RASSF5: variants seen among roughly 807,000 people sequenced by gnomAD.
The protein encoded by RASSF5 is Ras association domain family member 5.
RASSF5 carries 25 observed loss-of-function variants against 40.5 expected under a neutral mutation model. The observed-to-expected ratio is 0.62, with a 90% CI of 0.45 to 0.86. The LOEUF (loss-of-function observed/expected upper bound fraction) is 0.86. Among genes scored for constraint, RASSF5 ranks in the 40% least tolerant of loss-of-function variants. The pLI, the probability that RASSF5 is intolerant of heterozygous loss-of-function variation, is 0.00. For missense variants in RASSF5, 521 were observed against 572.8 expected (o/e 0.91, Z 0.92); for synonymous variants, 246 against 252.4 (o/e 0.97, Z 0.24).
rs141869335 is a variant in RASSF5 at position 206,534,425 on chromosome 1, G to C, written c.458-3747G>C. 2.0e-3 allele frequency among the ~76,000 whole-genome samples: 303 copies of C among 152,212 alleles called. 1 individual carries two copies. Among genetic ancestry groups the C allele is most frequent in the African/African-American group, 6.2e-3 (257 of 41,520 alleles). On this transcript the variant is annotated intron_variant, in intron 1 of 5. Transcript: ENST00000579436. ...AATATCAAGAAATGCCTGTTCTCCC[G>C]GAGAAACTACAGCTAGTTTCTCCTT...
At chr1:206,549,564 A>AAAGT (rs1667781074) in intron 2 of RASSF5, among the ~76,000 whole-genome samples, 1 of 152,122 alleles carries the variant, frequency 6.6e-6, no homozygotes, top group South Asian at 2.1e-4. Flanking sequence ...CTCCCACTTT[A>AAAGT]GGCTCCCAAA....
chr1:206,534,817 A>C (rs1356845493), intron 1 of RASSF5, among the ~76,000 whole-genome samples: 1 of 152,220 alleles, frequency 6.6e-6, no homozygotes, highest in Non-Finnish European at 1.5e-5. Flanking sequence ...CCCATGCTCC[A>C]GACATTGATG....
At chr1:206,572,548 C>T (rs927422361) in intron 2 of RASSF5, 1 of 152,196 alleles carries the variant, frequency 6.6e-6, no homozygotes, top group African/African-American at 2.4e-5. Context: ...CCCTGCATCC[C>T]GAGAAAACCC....
At chr1:206,541,816 CT>C (rs1265040775) in intron 2 of RASSF5, 4 of 152,162 alleles carry the variant, frequency 2.6e-5, no homozygotes, top group African/African-American at 9.7e-5. Context: ...CCTGTCACCC[CT>C]GGGAGGAAAA....
intron 2 of RASSF5, among the ~76,000 whole-genome samples, chr1:206,562,893 G>A (rs1363322535): frequency 3.3e-5 from 5 of 151,720 alleles, no homozygotes; most frequent in African/African-American, 1.2e-4. Flanking sequence ...CTGCACTCCA[G>A]CCTGGGCGAC....
chr1:206,538,284 C>T lies in RASSF5; in HGVS notation c.570C>T (p.Thr190=). 1 of 1,613,764 alleles carries T rather than the reference C, an allele frequency of 6.2e-7. No homozygotes were observed. The highest frequency in any genetic ancestry group is 8.5e-7 in the Non-Finnish European group (1 of 1,180,022). The part of the protein sequence containing the change: ...RPSPESTLTV[T]FSQNVCKPVE... Reference sequence around the variant, plus strand: ...CTCCAGAAAGCACCCTCACCGTGACCTTCAGCCAGGTAGGTGCCAAAGCTC... The same window carrying T: ...CTCCAGAAAGCACCCTCACCGTGACTTTCAGCCAGGTAGGTGCCAAAGCTC... The change falls in exon 2 of 6, where the codon ACC becomes ACT. Residue 190 remains threonine, a synonymous_variant. Coordinates refer to ENST00000579436, the MANE Select transcript of RASSF5 (RefSeq NM_182663.4).
intron 2 of RASSF5, among the ~76,000 whole-genome samples, chr1:206,547,189 T>C (rs1553400315): frequency 6.6e-6 from 1 of 152,234 alleles, no homozygotes; most frequent in African/African-American, 2.4e-5. Flanking sequence ...CAGACCTTTG[T>C]ACCATTCTTG....
intron 1 of RASSF5, among the ~76,000 whole-genome samples, chr1:206,534,846 G>A (rs182739802): frequency 5.3e-5 from 8 of 152,288 alleles, no homozygotes; most frequent in African/African-American, 1.9e-4. Context: ...AGAGGCGATG[G>A]CACTAGCTGC....
chr1:206,583,466 C>A, intron 3 of RASSF5, 87 bp downstream of exon 3: 1 of 906,806 alleles, frequency 1.1e-6, no homozygotes, highest in Non-Finnish European at 1.8e-6. Context: ...AATTCTGTGG[C>A]TACTCCCTGG....
At chr1:206,578,802 C>T (rs1395139668) in intron 2 of RASSF5, among the ~76,000 whole-genome samples, 38 of 152,260 alleles carry the variant, frequency 2.5e-4, no homozygotes, top group Admixed American at 2.1e-3. Flanking sequence ...GTGACTCACT[C>T]AGAGCCTCTC....
Position 206,583,380 on chromosome 1 carries a change from G to C in RASSF5, c.690+1G>C. On this transcript the variant is annotated splice_donor_variant, in intron 3 of 5. Transcript: ENST00000579436. LOFTEE classifies it high-confidence loss of function. ...GAAGAACTGCCTGGGCATGAAACTG[G>C]TAAGCGCCCGTCCACCCTCAACCTG... 1 of 1,597,754 alleles carries C rather than the reference G, an allele frequency of 6.3e-7. No individual in the cohort carries two copies. The highest frequency in any genetic ancestry group is 8.6e-7 in the Non-Finnish European group (1 of 1,165,388).
rs115543797 is a variant in RASSF5 at position 206,510,644 on chromosome 1, A to G, written c.457+2585A>G. 5.6e-3 allele frequency among the ~76,000 whole-genome samples: 849 copies of G among 152,262 alleles called. 7 individuals carry two copies. Among genetic ancestry groups the G allele is most frequent in the African/African-American group, 0.019 (796 of 41,540 alleles). ...TGAGCTAAGTGGGGAAGTGACTGCC[A>G]TAGACATCCCAGAAAATTTGGGTAT... On this transcript the variant is annotated intron_variant, in intron 1 of 5. Coordinates refer to ENST00000579436, the MANE Select transcript of RASSF5 (RefSeq NM_182663.4).
intron 2 of RASSF5, among the ~76,000 whole-genome samples, chr1:206,546,281 G>A (rs1359298175): frequency 1.3e-5 from 2 of 150,866 alleles, no homozygotes; most frequent in Non-Finnish European, 3.0e-5. Context: ...TGACTTTTTT[G>A]TACTTTTCGT....
intron 2 of RASSF5, among the ~76,000 whole-genome samples, chr1:206,550,074 T>G (rs1667795019): frequency 6.6e-6 from 1 of 151,834 alleles, no homozygotes; most frequent in Non-Finnish European, 1.5e-5. Context: ...CTTCAGGGGG[T>G]TTTCCAGGCT....
At chr1:206,559,366 C>T (rs1572340322) in intron 2 of RASSF5, among the ~76,000 whole-genome samples, 1 of 152,244 alleles carries the variant, frequency 6.6e-6, no homozygotes. Flanking sequence ...GTTTCTTTTA[C>T]TTGGCAGTGG....
At chr1:206,511,392 C>T (rs12072252) in intron 1 of RASSF5, among the ~76,000 whole-genome samples, 1 of 152,196 alleles carries the variant, frequency 6.6e-6, no homozygotes, top group Non-Finnish European at 1.5e-5. Flanking sequence ...CTGTAGAAGG[C>T]GCATGGAGGT....
chr1:206,523,744 TTTTATATAATATAC>T (rs1553396596), intron 1 of RASSF5, among the ~76,000 whole-genome samples: 1 of 99,146 alleles, frequency 1.0e-5, no homozygotes, highest in East Asian at 2.5e-4. Flanking sequence ...ATATAATATA[TTTTATATAATATAC>T]ATAATATATT....
At chr1:206,559,510 G>T (rs973067763) in intron 2 of RASSF5, among the ~76,000 whole-genome samples, 1 of 152,166 alleles carries the variant, frequency 6.6e-6, no homozygotes, top group Non-Finnish European at 1.5e-5. Context: ...CTTCCCCCCA[G>T]TTCTCCTTCC....
intron 1 of RASSF5, among the ~76,000 whole-genome samples, chr1:206,537,971 C>T (rs1011933279): frequency 3.3e-5 from 5 of 152,196 alleles, no homozygotes; most frequent in African/African-American, 9.6e-5. Flanking sequence ...AGTTTGCAAA[C>T]GCGTAGAGCA....
Sources: gnomAD v4.1 joint callset for allele counts (sites outside exome capture counted in the v4.1 genomes callset) on GRCh38, gnomAD v4.1.1 for gene constraint, MANE v1.5 for transcripts, NCBI Gene and HGNC (gene_info 2026-07-23, HGNC 2026-07-21) for gene names.